Variants in PITPNM2 observed in about 807,000 individuals in gnomAD.
PITPNM2 encodes phosphatidylinositol transfer protein membrane associated 2.
A neutral mutation model predicts 132.2 loss-of-function variants in PITPNM2; 35 were observed. That is an observed-to-expected ratio of 0.26 (90% CI 0.20 to 0.35). PITPNM2 has a LOEUF of 0.35. Among genes scored for constraint, PITPNM2 ranks in the 10% least tolerant of loss-of-function variants. PITPNM2 has a pLI of 1.00. For missense variants in PITPNM2, 1,332 were observed against 1,912.0 expected, an observed-to-expected ratio of 0.70 and a Z score of 5.66; for synonymous variants, 738 against 799.2, an observed-to-expected ratio of 0.92 and a Z score of 1.29.
intron 2 of PITPNM2, among the ~76,000 whole-genome samples, chr12:123,045,135 C>T (rs964868410): frequency 2.0e-5 from 3 of 152,222 alleles, no homozygotes; most frequent in Non-Finnish European, 4.4e-5. Flanking sequence ...TCTCTTGTCT[C>T]CCTAATGGAC....
chr12:123,012,821 G>A (rs972170821), intron 4 of PITPNM2, 87 bp from the exon 5 acceptor site: 1 of 1,535,468 alleles, frequency 6.5e-7, no homozygotes, highest in African/African-American at 1.4e-5. Flanking sequence ...CTGGGTAGGA[G>A]TGGAGCTGGT....
At chr12:123,044,154 G>A (rs1406687782) in intron 2 of PITPNM2, among the ~76,000 whole-genome samples, 1 of 152,174 alleles carries the variant, frequency 6.6e-6, no homozygotes, top group African/African-American at 2.4e-5. Context: ...AGGGGACCTT[G>A]GCCCCAGCAG....
chr12:123,013,199 A>G (rs1473641735), intron 4 of PITPNM2, among the ~76,000 whole-genome samples: 1 of 152,246 alleles, frequency 6.6e-6, no homozygotes, highest in Non-Finnish European at 1.5e-5. Context: ...TGGATCCCTC[A>G]GCAAGCTCCA....
chr12:123,128,169 T>C (rs979889833), intron 1 of PITPNM2, among the ~76,000 whole-genome samples: 12 of 146,442 alleles, frequency 8.2e-5, no homozygotes, highest in Non-Finnish European at 1.8e-4. Context: ...CGGTTGCTCA[T>C]GCCTATAATC....
intron 2 of PITPNM2, among the ~76,000 whole-genome samples, chr12:123,067,078 A>G (rs954414854): frequency 6.6e-6 from 1 of 152,210 alleles, no homozygotes; most frequent in Non-Finnish European, 1.5e-5. Context: ...GGATATGATT[A>G]GTGAAGGATT....
At chr12:122,996,409 T>G (rs762313671) in intron 13 of PITPNM2, 49 bp downstream of exon 13, 2 of 1,606,338 alleles carry the variant, frequency 1.2e-6, no homozygotes, top group Admixed American at 3.4e-5. Context: ...CCTGGGGGCG[T>G]GCAGGAGGCT....
chr12:123,082,310 C>G lies in PITPNM2; in HGVS notation c.-96+28075G>C, dbSNP rs1043571801. ...TGTAAAACTTGGCCCTGACTCTAAC[C>G]CTGGCATTCCTCTGACCCTTTCTAA... On this transcript the variant is annotated intron_variant, in intron 2 of 25. Coordinates refer to ENST00000320201, the MANE Select transcript of PITPNM2 (RefSeq NM_020845.3). The surrounding 1 kb of genome is among the most constrained non-coding windows in gnomAD (Gnocchi z 5.4). 6.6e-6 allele frequency among the ~76,000 whole-genome samples: 1 copy of G among 152,220 alleles called. No homozygotes were observed. Among genetic ancestry groups the G allele is most frequent in the South Asian group, 2.1e-4 (1 of 4,834 alleles).
In PITPNM2 at chr12:123,001,068, G is replaced by A. The variant is rs201956381; in HGVS notation, c.1139C>T (p.Pro380Leu). 2.3e-4 allele frequency: 368 copies of A among 1,614,102 alleles called. 4 individuals carry two copies. The South Asian group carries it at 3.6e-3, about 16-fold the overall frequency. Residue 380 changes from proline (P) to leucine (L), a missense_variant, in exon 9 of 26, where the codon CCG (proline) becomes CTG (leucine). Around this residue, in one of 6 missense-constraint regions of PITPNM2, gnomAD observed 710 missense variants for 911.5 expected, o/e 0.78. Transcript: ENST00000320201. ...GACCTGCTGACCTTGTGTGTCTTCC[G>A]GCTCTGGGCTCTCGATCTTGTCCAT... Reference protein sequence around the residue: ...DLMDKIESPEPEDTQDGLYRQ... With the variant: ...DLMDKIESPELEDTQDGLYRQ...
At chr12:123,041,337 G>C (rs1195286219) in intron 2 of PITPNM2, among the ~76,000 whole-genome samples, 1 of 152,148 alleles carries the variant, frequency 6.6e-6, no homozygotes, top group African/African-American at 2.4e-5. Flanking sequence ...TGGGCTTCCT[G>C]GTAGGGCTGC....
Position 123,125,738 on chromosome 12 carries a change from A to T in PITPNM2, c.-199-15250T>A, listed in dbSNP as rs374052107. On this transcript the variant is annotated intron_variant, in intron 1 of 25. Coordinates refer to ENST00000320201, the MANE Select transcript of PITPNM2 (RefSeq NM_020845.3). Reference sequence around the variant, plus strand: ...GGCACCTGTAATCCCAGCTCTCAGGAGGCTGAGGCAGGAGAATCGCTTGAA... The same window carrying T: ...GGCACCTGTAATCCCAGCTCTCAGGTGGCTGAGGCAGGAGAATCGCTTGAA... Among the ~76,000 whole-genome samples, 4 of 140,802 alleles carry T rather than the reference A, an allele frequency of 2.8e-5. No homozygotes were observed. In the East Asian group the frequency reaches 9.2e-4, roughly 33 times the overall value. The allele number at this position is 140,802 out of a possible 152,430, so 92.4% of individuals were successfully genotyped here.
chr12:123,136,394 G>A (rs1044041022), intron 1 of PITPNM2, among the ~76,000 whole-genome samples: 2 of 152,090 alleles, frequency 1.3e-5, no homozygotes, highest in Non-Finnish European at 2.9e-5. Flanking sequence ...CCTCCTTCTT[G>A]TTCTTTCTGA....
chr12:123,119,188 TC>T (rs1188502154), intron 1 of PITPNM2, among the ~76,000 whole-genome samples: 4 of 152,142 alleles, frequency 2.6e-5, no homozygotes, highest in African/African-American at 4.8e-5. Context: ...GGGGGATTTC[TC>T]CAATGATCTC....
chr12:123,027,587 G>A (rs997067558), intron 3 of PITPNM2, among the ~76,000 whole-genome samples: 14 of 152,250 alleles, frequency 9.2e-5, no homozygotes, highest in African/African-American at 3.4e-4. Flanking sequence ...CACCAACTGT[G>A]CAGGTTATCG....
At chr12:122,990,011 A>G in intron 17 of PITPNM2, 63 bp from the exon 18 acceptor site, 1 of 1,240,808 alleles carries the variant, frequency 8.1e-7, no homozygotes, top group Non-Finnish European at 1.0e-6. Context: ...CACGTCTACC[A>G]GGGGCCAGGC....
In PITPNM2 at chr12:123,000,099, C is replaced by A. The variant is rs2038593251; in HGVS notation, c.1224+679G>T. On this transcript the variant is annotated intron_variant, in intron 10 of 25. Coordinates refer to ENST00000320201, the MANE Select transcript of PITPNM2 (RefSeq NM_020845.3). The surrounding 1 kb of genome is among the most constrained non-coding windows in gnomAD (Gnocchi z 5.4). ...CCCTCCTCCTCCCCGCCTAGATTCC[C>A]CGGGGGCCCGAGTTCCCCACAGAAG... Among the ~76,000 whole-genome samples the A allele has an allele frequency of 1.3e-5, 2 of 152,226 alleles. No homozygotes were observed. Among genetic ancestry groups the A allele is most frequent in the Admixed American group, 1.3e-4 (2 of 15,292 alleles).
chr12:123,007,462 C>T (rs1175855186), intron 6 of PITPNM2: 1 of 455,262 alleles, frequency 2.2e-6, no homozygotes, highest in Non-Finnish European at 4.4e-6. Context: ...TGTACCCCCG[C>T]CTCCCCTAGA....
intron 2 of PITPNM2, among the ~76,000 whole-genome samples, chr12:123,080,137 T>A (rs768209094): frequency 6.6e-6 from 1 of 152,232 alleles, no homozygotes; most frequent in Non-Finnish European, 1.5e-5. Flanking sequence ...CATATCCCAG[T>A]ACATGGATGG....
intron 2 of PITPNM2, among the ~76,000 whole-genome samples, chr12:123,079,095 G>A (rs982902353): frequency 6.6e-6 from 1 of 152,164 alleles, no homozygotes; most frequent in Non-Finnish European, 1.5e-5. Flanking sequence ...GCAGGCACTA[G>A]TGCTGTCCTG....
chr12:123,024,071 T>C (rs750828517), intron 3 of PITPNM2, among the ~76,000 whole-genome samples: 3 of 152,066 alleles, frequency 2.0e-5, no homozygotes, highest in Non-Finnish European at 2.9e-5. Flanking sequence ...CTGAGCGACA[T>C]AGCAAGACCC....
Sources: gnomAD v4.1 joint callset for allele counts (sites outside exome capture counted in the v4.1 genomes callset) on GRCh38, gnomAD v4.1.1 for gene constraint, gnomAD v4.1.1 regional missense constraint, Gnocchi (gnomAD v3.1) non-coding constraint, MANE v1.5 for transcripts, NCBI Gene and HGNC (gene_info 2026-07-23, HGNC 2026-07-21) for gene names.